Variants in IL1RAPL1 observed in about 807,000 individuals in gnomAD.
IL1RAPL1 encodes interleukin-1 receptor accessory protein-like 1.
Under a neutral mutation model 48.4 loss-of-function variants are expected in IL1RAPL1, and 3 were observed. The observed-to-expected ratio is 0.06, with a 90% CI of 0.03 to 0.16. IL1RAPL1 has a LOEUF of 0.16. Ranked by LOEUF, IL1RAPL1 falls within the 10% of genes least tolerant of loss-of-function variation. IL1RAPL1 has a pLI of 1.00. For missense variants in IL1RAPL1, 349 were observed against 530.6 expected (o/e 0.66, Z 3.36); for synonymous variants, 185 against 187.7 (o/e 0.99, Z 0.12).
At chrX:28,771,284 G>C (rs899508050) in intron 1 of IL1RAPL1, among the ~76,000 whole-genome samples, 4 of 111,929 alleles carry the variant, frequency 3.6e-5, no homozygotes, top group Non-Finnish European at 7.5e-5. Context: ...TTTTCTCTGT[G>C]TTACTTAATT....
intron 6 of IL1RAPL1, among the ~76,000 whole-genome samples, chrX:29,849,492 G>C (rs1931318468): frequency 8.9e-6 from 1 of 112,028 alleles, no homozygotes; most frequent in Non-Finnish European, 1.9e-5. Flanking sequence ...ATTGATTAGT[G>C]CTGTAAAGAA....
chrX:28,629,028 A>G (rs1027402478), intron 1 of IL1RAPL1, among the ~76,000 whole-genome samples: 44 of 111,663 alleles, frequency 3.9e-4, no homozygotes, highest in African/African-American at 1.3e-3. Flanking sequence ...TGTGGATATT[A>G]AATAATATGT....
chrX:29,331,663 G>A lies in IL1RAPL1; in HGVS notation c.362+48446G>A, dbSNP rs150535387. ...TAGTATTTCGCATCTGTTGTAACAT[G>A]GTGCCTAGTTCCAACTTCAATTTTA... On this transcript the variant is annotated intron_variant, in intron 3 of 10. Coordinates refer to ENST00000378993, the MANE Select transcript of IL1RAPL1 (RefSeq NM_014271.4). Among the ~76,000 whole-genome samples the A allele has an allele frequency of 2.6e-3, 296 of 111,970 alleles. 8 individuals are homozygous for A. In the East Asian group the frequency reaches 0.072, roughly 27 times the overall value.
intron 6 of IL1RAPL1, among the ~76,000 whole-genome samples, chrX:29,740,122 G>GAAAAA (rs1172511347): frequency 9.4e-4 from 49 of 52,262 alleles, no homozygotes; most frequent in Non-Finnish European, 1.3e-3. Context: ...CAAAAAAACA[G>GAAAAA]AAAAAAAAAA....
chrX:29,950,674 T>TA (rs895814498), intron 9 of IL1RAPL1, among the ~76,000 whole-genome samples: 6 of 108,336 alleles, frequency 5.5e-5, no homozygotes, highest in African/African-American at 1.7e-4. Context: ...TAAGGCCTTT[T>TA]TTTTTTTTTT....
intron 2 of IL1RAPL1, among the ~76,000 whole-genome samples, chrX:29,236,242 T>A (rs1280389394): frequency 8.9e-6 from 1 of 112,201 alleles, no homozygotes; most frequent in Non-Finnish European, 1.9e-5. Context: ...AAACACTACT[T>A]CAGTTCACAG....
intron 6 of IL1RAPL1, among the ~76,000 whole-genome samples, chrX:29,906,498 T>TC (rs1183003339): frequency 1.6e-4 from 8 of 50,780 alleles, no homozygotes; most frequent in Admixed American, 2.2e-4. Context: ...TATATATATA[T>TC]ATATATATAT....
intron 2 of IL1RAPL1, among the ~76,000 whole-genome samples, chrX:28,909,380 G>A (rs1179942994): frequency 3.6e-5 from 4 of 111,027 alleles, no homozygotes; most frequent in Admixed American, 9.6e-5. Context: ...TCTTTTTTTC[G>A]AAAGCCTTGA....
chrX:29,037,192 C>A (rs1926749440), intron 2 of IL1RAPL1, among the ~76,000 whole-genome samples: 1 of 111,721 alleles, frequency 9.0e-6, no homozygotes, highest in African/African-American at 3.3e-5. Context: ...TTCTTGCCAG[C>A]TAAAAGAGGA....
At chrX:29,768,905 A>T (rs1333776308) in intron 6 of IL1RAPL1, among the ~76,000 whole-genome samples, 1 of 111,557 alleles carries the variant, frequency 9.0e-6, no homozygotes, top group Admixed American at 9.6e-5. Context: ...TTTTGTCTAC[A>T]TATCAGCTTG....
chrX:29,258,384 T>C (rs897444049), intron 2 of IL1RAPL1, among the ~76,000 whole-genome samples: 1 of 111,600 alleles, frequency 9.0e-6, no homozygotes, highest in Non-Finnish European at 1.9e-5. Flanking sequence ...ACACCAGGAA[T>C]TAACAACATG....
At chrX:29,217,773 T>A (rs34833496) in intron 2 of IL1RAPL1, among the ~76,000 whole-genome samples, 94 of 71,050 alleles carry the variant, frequency 1.3e-3, no homozygotes, top group African/African-American at 4.4e-3. Context: ...TCTCTCTCTC[T>A]CTCTCACACA....
intron 6 of IL1RAPL1, among the ~76,000 whole-genome samples, chrX:29,682,640 A>C (rs1452669884): frequency 8.9e-6 from 1 of 112,358 alleles, no homozygotes; most frequent in Non-Finnish European, 1.9e-5. Context: ...ATGTACTATA[A>C]TGTTTTCATC....
At chrX:29,951,122 C>T (rs918406470) in intron 9 of IL1RAPL1, among the ~76,000 whole-genome samples, 2 of 111,854 alleles carry the variant, frequency 1.8e-5, no homozygotes, top group African/African-American at 6.5e-5. Context: ...AAAGCAGTCT[C>T]TCCTGAGAAA....
intron 2 of IL1RAPL1, among the ~76,000 whole-genome samples, chrX:29,132,267 A>AT (rs1417021471): frequency 8.9e-6 from 1 of 112,109 alleles, no homozygotes. Context: ...CATATGCCAC[A>AT]TAATGACATT....
chrX:28,941,654 A>G (rs1415044499), intron 2 of IL1RAPL1, among the ~76,000 whole-genome samples: 2 of 111,097 alleles, frequency 1.8e-5, no homozygotes, highest in African/African-American at 6.5e-5. Flanking sequence ...TTTAGTTCTG[A>G]AGAAGTAAGC....
intron 5 of IL1RAPL1, among the ~76,000 whole-genome samples, chrX:29,573,751 T>G (rs1462992614): frequency 1.8e-5 from 2 of 112,638 alleles, no homozygotes; most frequent in East Asian, 5.6e-4. Context: ...ATTGTTGGTG[T>G]GTTAACAAAA....
intron 5 of IL1RAPL1, among the ~76,000 whole-genome samples, chrX:29,410,182 G>T (rs1934125128): frequency 9.1e-6 from 1 of 109,878 alleles, no homozygotes; most frequent in Non-Finnish European, 1.9e-5. Flanking sequence ...TCCAGTGCTC[G>T]CCAGGTGCAG....
Position 28,894,988 on chromosome X carries a change from C to T in IL1RAPL1, c.82+105563C>T, listed in dbSNP as rs780872372. Among the ~76,000 whole-genome samples the T allele has an allele frequency of 9.0e-5, 10 of 110,723 alleles. No homozygotes were observed. The East Asian group carries it at 2.6e-3, about 29-fold the overall frequency. ...AATGGGGGCTGTCTGTGAAGCTTTG[C>T]GGCAGTACAGCCCAGGTGATTTGCT... On this transcript the variant is annotated intron_variant, in intron 2 of 10. Coordinates refer to ENST00000378993, the MANE Select transcript of IL1RAPL1 (RefSeq NM_014271.4).
Sources: allele counts gnomAD v4.1 joint callset (sites outside exome capture counted in the v4.1 genomes callset), GRCh38; gene constraint gnomAD v4.1.1; transcripts MANE v1.5; gene names NCBI Gene and HGNC (gene_info 2026-07-23, HGNC 2026-07-21).